Variants in GRIK1 observed in about 807,000 individuals in gnomAD.
GRIK1 encodes glutamate ionotropic receptor kainate type subunit 1.
In GRIK1, 69 loss-of-function variants were observed where a neutral mutation model predicts 105.7. That is an observed-to-expected ratio of 0.65 (90% CI 0.54 to 0.80). The LOEUF (loss-of-function observed/expected upper bound fraction) is 0.80, where lower values mean the gene tolerates loss of function less well. GRIK1 is among the 30% of genes least tolerant of loss of function. The pLI, the probability that GRIK1 is intolerant of heterozygous loss-of-function variation, is 0.00. For missense variants in GRIK1, 1,109 were observed against 1,167.3 expected, an observed-to-expected ratio of 0.95 and a Z score of 0.73; for synonymous variants, 438 against 431.3, an observed-to-expected ratio of 1.02 and a Z score of -0.19.
chr21:29,830,343 ACACACACACACACACACACT>A lies in GRIK1; in HGVS notation c.118+109020_118+109039del, dbSNP rs1449120356. On this transcript the variant is annotated intron_variant, in intron 1 of 17. Coordinates refer to ENST00000327783, the MANE Select transcript of GRIK1 (RefSeq NM_001330994.2). ...CACACACACACACACACACACACACACACACACACACACACACACTCACACACATATTCTTATACAAAACA... is the reference window on the plus strand; with the variant it reads ...CACACACACACACACACACACACACACACACACATATTCTTATACAAAACA... 2.8e-5 allele frequency among the ~76,000 whole-genome samples: 4 copies of A among 144,532 alleles called. 1 individual carries two copies. The highest frequency in any genetic ancestry group is 4.9e-4 in the South Asian group (2 of 4,080). The allele number at this position is 144,532 out of a possible 152,430, so 94.8% of individuals were successfully genotyped here. A position where few individuals can be genotyped will look rare whatever the true frequency, so the allele number is the denominator to read the frequency against.
intron 1 of GRIK1, among the ~76,000 whole-genome samples, chr21:29,851,381 A>G (rs2068299728): frequency 6.6e-6 from 1 of 152,210 alleles, no homozygotes; most frequent in Admixed American, 6.5e-5. Flanking sequence ...GAGACAAGAG[A>G]GTAGCAATCT....
rs148183689 is a variant in GRIK1 at position 29,814,117 on chromosome 21, A to T, written c.119-120054T>A. 6.5e-3 allele frequency among the ~76,000 whole-genome samples: 939 copies of T among 144,814 alleles called. 18 individuals are homozygous for T. Among genetic ancestry groups the T allele is most frequent in the African/African-American group, 0.023 (891 of 39,176 alleles). On this transcript the variant is annotated intron_variant, in intron 1 of 17. Coordinates refer to ENST00000327783, the MANE Select transcript of GRIK1 (RefSeq NM_001330994.2). Reference sequence around the variant, plus strand: ...TAAAATAATAATAATAATAATAATTATTATTTTTTTTTTTGCTGAGATGGC... The same window carrying T: ...TAAAATAATAATAATAATAATAATTTTTATTTTTTTTTTTGCTGAGATGGC...
intron 1 of GRIK1, among the ~76,000 whole-genome samples, chr21:29,847,490 C>T (rs1234148097): frequency 6.6e-6 from 1 of 152,082 alleles, no homozygotes; most frequent in Non-Finnish European, 1.5e-5. Context: ...AGCTACTTAG[C>T]AGCTGAGGCA....
chr21:29,917,275 G>A (rs2071030182), intron 1 of GRIK1, among the ~76,000 whole-genome samples: 1 of 151,978 alleles, frequency 6.6e-6, no homozygotes, highest in Non-Finnish European at 1.5e-5. Context: ...AATTTGATGA[G>A]GTATGAAGCC....
chr21:29,592,104 A>T (rs138196150), intron 9 of GRIK1, among the ~76,000 whole-genome samples: 1 of 152,290 alleles, frequency 6.6e-6, no homozygotes, highest in Non-Finnish European at 1.5e-5. Context: ...AAAACATGTC[A>T]TGTGCATGAG....
intron 1 of GRIK1, among the ~76,000 whole-genome samples, chr21:29,818,645 C>G (rs1174017819): frequency 6.6e-6 from 1 of 152,054 alleles, no homozygotes; most frequent in Non-Finnish European, 1.5e-5. Flanking sequence ...TGGATATTGC[C>G]TGCTCCTGGG....
In GRIK1 at chr21:29,807,759, A is replaced by T. The variant is rs536733695; in HGVS notation, c.119-113696T>A. ...ATGCTTCATAGAACCAGACCCAGCC[A>T]CTATTTTTCTCTCATGAGTTTGTAA... On this transcript the variant is annotated intron_variant, in intron 1 of 17. Transcript: ENST00000327783. Among the ~76,000 whole-genome samples the T allele has an allele frequency of 1.4e-4, 21 of 152,246 alleles. No individual in the cohort carries two copies. The East Asian group carries it at 3.5e-3, about 25-fold the overall frequency.
At chr21:29,837,269 G>A (rs75518720) in intron 1 of GRIK1, among the ~76,000 whole-genome samples, 2,052 of 152,176 alleles carry the variant, frequency 0.013, 27 homozygotes, top group Middle Eastern at 0.031. Flanking sequence ...TCCTGACACC[G>A]TTTTGGCACA....
intron 1 of GRIK1, among the ~76,000 whole-genome samples, chr21:29,928,642 G>A (rs907552511): frequency 9.2e-5 from 14 of 152,184 alleles, no homozygotes; most frequent in Admixed American, 5.2e-4. Flanking sequence ...CCAAAGAGGC[G>A]CTGGGTAAGC....
chr21:29,864,565 T>C (rs1299621746), intron 1 of GRIK1, among the ~76,000 whole-genome samples: 1 of 152,228 alleles, frequency 6.6e-6, no homozygotes, highest in Non-Finnish European at 1.5e-5. Flanking sequence ...TCTCTTATTT[T>C]AAAAAGAATG....
chr21:29,893,066 T>C (rs1484131873), intron 1 of GRIK1, among the ~76,000 whole-genome samples: 3 of 152,176 alleles, frequency 2.0e-5, no homozygotes, highest in Non-Finnish European at 4.4e-5. Context: ...CTACTTTTAT[T>C]ATAATATAAA....
At chr21:29,890,410 T>C (rs1236374894) in intron 1 of GRIK1, among the ~76,000 whole-genome samples, 1 of 152,134 alleles carries the variant, frequency 6.6e-6, no homozygotes, top group African/African-American at 2.4e-5. Context: ...GGACTTTAAG[T>C]TTTTGAATTT....
intron 4 of GRIK1, 67 bp from the exon 5 acceptor site, chr21:29,654,930 G>T: frequency 9.5e-6 from 9 of 942,474 alleles, no homozygotes; most frequent in Non-Finnish European, 1.4e-5. Flanking sequence ...TAATTTCTAG[G>T]GTGACTGCAA....
At chr21:29,647,926 C>T (rs545124347) in intron 6 of GRIK1, among the ~76,000 whole-genome samples, 27 of 152,246 alleles carry the variant, frequency 1.8e-4, no homozygotes, top group African/African-American at 6.3e-4. Context: ...TTAATTTTAA[C>T]CTAATTTTTA....
intron 1 of GRIK1, among the ~76,000 whole-genome samples, chr21:29,894,289 C>T (rs2146233187): frequency 6.6e-6 from 1 of 152,198 alleles, no homozygotes; most frequent in Middle Eastern, 3.4e-3. Flanking sequence ...GTCCCAAAAC[C>T]TCAAAAGTAG....
At chr21:29,715,963 G>T (rs1904920808) in intron 1 of GRIK1, among the ~76,000 whole-genome samples, 1 of 151,976 alleles carries the variant, frequency 6.6e-6, no homozygotes, top group African/African-American at 2.4e-5. Context: ...CCCTATGTGT[G>T]GTGGGAGGGA....
chr21:29,791,185 G>A (rs980387004), intron 1 of GRIK1, among the ~76,000 whole-genome samples: 3 of 152,134 alleles, frequency 2.0e-5, no homozygotes, highest in African/African-American at 4.8e-5. Flanking sequence ...GAGCCCATGG[G>A]ACTTCGCAAG....
chr21:29,772,895 T>C (rs1379881846), intron 1 of GRIK1, among the ~76,000 whole-genome samples: 2 of 152,218 alleles, frequency 1.3e-5, no homozygotes, highest in African/African-American at 2.4e-5. Context: ...GTATTTCCTA[T>C]ATTCTTCTGT....
At chr21:29,828,678 T>A (rs1028332256) in intron 1 of GRIK1, among the ~76,000 whole-genome samples, 3 of 151,946 alleles carry the variant, frequency 2.0e-5, no homozygotes, top group Non-Finnish European at 4.4e-5. Context: ...ATTAAAAAAA[T>A]TTTCAGAGAC....
Sources: gnomAD v4.1 joint callset for allele counts (sites outside exome capture counted in the v4.1 genomes callset) on GRCh38, gnomAD v4.1.1 for gene constraint, MANE v1.5 for transcripts, NCBI Gene and HGNC (gene_info 2026-07-23, HGNC 2026-07-21) for gene names.